Variants in CALB2 observed in about 807,000 individuals in gnomAD.
CALB2 encodes calbindin 2.
CALB2 carries 34 observed loss-of-function variants against 45.9 expected under a neutral mutation model. The observed-to-expected ratio is 0.74, with a 90% CI of 0.56 to 0.99. The LOEUF is 0.99. CALB2 is among the 50% of genes least tolerant of loss of function. CALB2 has a pLI of 0.00. For synonymous variants in CALB2, 142 were observed against 129.6 expected (o/e 1.10, Z -0.65); for missense variants, 344 against 339.3 (o/e 1.01, Z -0.11).
In CALB2 at chr16:71,380,412, G is replaced by A. The variant is rs1342764592; in HGVS notation, c.343-2307G>A. ...CAACCTCCGCCTCCCGGGTTCAAGC[G>A]ATTCTCCTGCCTCAGCCTCCCGCCG... On this transcript the variant is annotated intron_variant, in intron 4 of 10. Coordinates refer to ENST00000302628, the MANE Select transcript of CALB2 (RefSeq NM_001740.5). Among the ~76,000 whole-genome samples the A allele has an allele frequency of 5.8e-5, 8 of 138,314 alleles. No individual in the cohort carries two copies. The East Asian group carries it at 9.9e-4, about 17-fold the overall frequency. 90.7% of individuals were successfully genotyped at this position (138,314 alleles called of 152,430 possible). A position where few individuals can be genotyped will look rare whatever the true frequency, so the allele number is the denominator to read the frequency against.
At chr16:71,376,710 CACAT>C (rs900828214) in intron 3 of CALB2, among the ~76,000 whole-genome samples, 76 of 151,762 alleles carry the variant, frequency 5.0e-4, no homozygotes, top group African/African-American at 1.7e-3. Context: ...CACATGCACC[CACAT>C]ACAACCACAT....
At chr16:71,373,150 A>G (rs1006905152) in intron 2 of CALB2, among the ~76,000 whole-genome samples, 2 of 152,242 alleles carry the variant, frequency 1.3e-5, no homozygotes, top group Non-Finnish European at 2.9e-5. Flanking sequence ...TCTGGAGTAC[A>G]TGGAGTCAGC....
At chr16:71,377,451 C>T (rs1286281653) in intron 3 of CALB2, among the ~76,000 whole-genome samples, 1 of 152,184 alleles carries the variant, frequency 6.6e-6, no homozygotes, top group African/African-American at 2.4e-5. Flanking sequence ...TCCAATTGCT[C>T]ATCCCTTAAG....
In CALB2 at chr16:71,374,792, G is replaced by A; in HGVS notation, c.219G>A (p.Gln73=). 2 of 1,613,718 alleles carry A rather than the reference G, an allele frequency of 1.2e-6. No homozygotes were observed. Among genetic ancestry groups the A allele is most frequent in the African/African-American group, 1.3e-5 (1 of 75,050 alleles). Residue 73 remains glutamine (Q), a synonymous_variant, in exon 3 of 11, where the codon CAG becomes CAA. Transcript: ENST00000302628. ...NFGEKMKEFM[Q]KYDKNSDGKI... ...GAGAAAAGATGAAGGAGTTCATGCA[G>A]AAGTATGATAAAAACTCAGATGGGA... is the stretch of plus-strand genomic sequence containing the variant.
At chr16:71,373,207 A>G (rs1016520348) in intron 2 of CALB2, among the ~76,000 whole-genome samples, 1 of 150,738 alleles carries the variant, frequency 6.6e-6, no homozygotes, top group African/African-American at 2.4e-5. Flanking sequence ...AGGCGTCTCT[A>G]CTCTCCCCTG....
At chr16:71,371,369 C>T (rs1325866442) in intron 1 of CALB2, among the ~76,000 whole-genome samples, 1 of 152,066 alleles carries the variant, frequency 6.6e-6, no homozygotes, top group Non-Finnish European at 1.5e-5. Flanking sequence ...TTTTTGTTTC[C>T]TAGGACTGTT....
In CALB2 at chr16:71,389,917, C is replaced by T; in HGVS notation, c.*52C>T. Reference sequence around the variant, plus strand: ...CTCCCCCAAACCCTGCTTCTGCTGCCCTGATGCGTCTACCCAGACTCAGAG... The same window carrying T: ...CTCCCCCAAACCCTGCTTCTGCTGCTCTGATGCGTCTACCCAGACTCAGAG... On this transcript the variant is annotated 3_prime_UTR_variant, in exon 11 of 11. Transcript: ENST00000302628. 1 of 1,269,742 alleles carries T rather than the reference C, an allele frequency of 7.9e-7. No homozygotes were observed. The highest frequency in any genetic ancestry group is 1.1e-6 in the Non-Finnish European group (1 of 873,220). 78.7% of individuals were successfully genotyped at this position (1,269,742 alleles called of 1,614,324 possible).
In CALB2 at chr16:71,390,076, C is replaced by G. The variant is rs1407422947; in HGVS notation, c.*211C>G. ...CCCACCCCTGCCCAGGCAGTCTTTGCTCAGTGGATCACACACATGGAAGGT... is the reference window on the plus strand; with the variant it reads ...CCCACCCCTGCCCAGGCAGTCTTTGGTCAGTGGATCACACACATGGAAGGT... On this transcript the variant is annotated 3_prime_UTR_variant, in exon 11 of 11. Transcript: ENST00000302628. 8.9e-6 allele frequency: 5 copies of G among 564,692 alleles called. No homozygotes were observed. The highest frequency in any genetic ancestry group is 4.6e-4 in the Middle Eastern group (1 of 2,158). The allele number at this position is 564,692 out of a possible 1,614,324, so 35.0% of individuals were successfully genotyped here.
chr16:71,378,115 T>G (rs368085005), intron 4 of CALB2, among the ~76,000 whole-genome samples: 5 of 151,980 alleles, frequency 3.3e-5, no homozygotes, highest in African/African-American at 1.2e-4. Flanking sequence ...TCCCAGCTAT[T>G]CGGGAAGCTG....
intron 10 of CALB2, among the ~76,000 whole-genome samples, chr16:71,388,370 G>GAAAAAT (rs2042595789): frequency 1.4e-5 from 2 of 146,248 alleles, no homozygotes; most frequent in African/African-American, 5.2e-5. Context: ...AAAAGAAAAA[G>GAAAAAT]AAAAAAGAAA....
rs562464726 is a variant in CALB2 at position 71,373,957 on chromosome 16, G to A, written c.172-788G>A. Among the ~76,000 whole-genome samples the A allele has an allele frequency of 2.0e-5, 3 of 152,328 alleles. No individual in the cohort carries two copies. In the East Asian group the frequency reaches 5.8e-4, roughly 29 times the overall value. On this transcript the variant is annotated intron_variant, in intron 2 of 10. Coordinates refer to ENST00000302628, the MANE Select transcript of CALB2 (RefSeq NM_001740.5). ...AGGATTTCCCTTGGCCCAATCCTGG[G>A]GAGCACACAATTCATGTGGAAGTCA...
intron 1 of CALB2, among the ~76,000 whole-genome samples, chr16:71,363,644 C>G (rs576031523): frequency 6.6e-6 from 1 of 152,322 alleles, no homozygotes; most frequent in South Asian, 2.1e-4. Flanking sequence ...CAGCACCTCT[C>G]AGAGATGAAC....
At chr16:71,386,724 A>C (rs1177325621) in intron 10 of CALB2, among the ~76,000 whole-genome samples, 1 of 152,200 alleles carries the variant, frequency 6.6e-6, no homozygotes. Context: ...CAATTCCTTG[A>C]GTTGTCTCAC....
chr16:71,362,070 C>T (rs1282901438), intron 1 of CALB2, among the ~76,000 whole-genome samples: 3 of 152,164 alleles, frequency 2.0e-5, no homozygotes, highest in Non-Finnish European at 4.4e-5. Context: ...AGGGCTCTTC[C>T]GAACATCACC....
intron 9 of CALB2, 162 bp from the exon 10 acceptor site, chr16:71,385,415 G>T: frequency 1.9e-6 from 1 of 527,310 alleles, no homozygotes; most frequent in South Asian, 3.4e-5. Context: ...TGCCATGACT[G>T]GTTAAGGCAG....
intron 1 of CALB2, 60 bp downstream of exon 1, chr16:71,358,946 G>A (rs1439203803): frequency 2.8e-6 from 4 of 1,443,298 alleles, no homozygotes; most frequent in South Asian, 1.2e-5. Context: ...GGTGAAGGGG[G>A]CAGGGGGCGG....
At chr16:71,383,228 G>C in intron 5 of CALB2, 139 bp from the exon 6 acceptor site, 3 of 792,640 alleles carry the variant, frequency 3.8e-6, no homozygotes, top group African/African-American at 3.5e-5. Context: ...GGAATTATGA[G>C]GGCCCTGAGT....
intron 1 of CALB2, among the ~76,000 whole-genome samples, chr16:71,361,485 A>T (rs1344546898): frequency 6.6e-6 from 1 of 152,112 alleles, no homozygotes; most frequent in Non-Finnish European, 1.5e-5. Context: ...TTTCTTCCCA[A>T]TTCTAAGAGT....
At chr16:71,372,108 T>A in intron 1 of CALB2, 45 bp from the exon 2 acceptor site, 6 of 1,179,568 alleles carry the variant, frequency 5.1e-6, no homozygotes, top group Non-Finnish European at 7.5e-6. Flanking sequence ...CGTGCCCCCC[T>A]TACTATTTAG....
Sources: allele counts gnomAD v4.1 joint callset (sites outside exome capture counted in the v4.1 genomes callset), GRCh38; gene constraint gnomAD v4.1.1; transcripts MANE v1.5; gene names NCBI Gene and HGNC (gene_info 2026-07-23, HGNC 2026-07-21).